The following BRSK2 variants were observed in gnomAD, a reference collection of about 807,000 sequenced individuals.
BRSK2 encodes the protein BR serine/threonine kinase 2.
Under a neutral mutation model 83.3 loss-of-function variants are expected in BRSK2, and 19 were observed. The ratio of observed to expected loss-of-function variants is 0.23; its 90% CI spans 0.16 to 0.33. The LOEUF (loss-of-function observed/expected upper bound fraction) is 0.33, where lower values mean the gene tolerates loss of function less well. BRSK2 is among the 10% of genes least tolerant of loss of function. BRSK2 has a pLI of 1.00. For synonymous variants in BRSK2, 519 were observed against 435.4 expected (o/e 1.19, Z -2.39); for missense variants, 798 against 1,042.3 (o/e 0.77, Z 3.23).
In BRSK2 at chr11:1,460,480, T is replaced by TTTTTTTTTTTCC; in HGVS notation, c.1988-20_1988-19insTTTTTTTTTTCC. 1.6e-6 allele frequency: 2 copies of TTTTTTTTTTTCC among 1,269,638 alleles called. No individual in the cohort carries two copies. The highest frequency in any genetic ancestry group is 1.0e-6 in the Non-Finnish European group (1 of 989,678). The allele number at this position is 1,269,638 out of a possible 1,614,324, so 78.6% of individuals were successfully genotyped here. A position where few individuals can be genotyped will look rare whatever the true frequency, so the allele number is the denominator to read the frequency against. ...TTTTTCCTTTTTTTTTTTTTTTTTG[T>TTTTTTTTTTTCC]CTCTGTTCTGTGTACCCAGGCAGCC... On this transcript the variant is annotated intron_variant, in intron 19 of 19. Transcript: ENST00000528841.
intron 1 of BRSK2, among the ~76,000 whole-genome samples, chr11:1,417,182 G>A (rs183924095): frequency 1.3e-5 from 2 of 152,144 alleles, no homozygotes; most frequent in East Asian, 1.9e-4. Context: ...AATAAAATGC[G>A]CCCTTTTCCC....
chr11:1,456,447 C>G lies in BRSK2; in HGVS notation c.1768C>G (p.Gln590Glu). The G allele has an allele frequency of 6.3e-7, 1 of 1,591,362 alleles. No homozygotes were observed. The highest frequency in any genetic ancestry group is 8.6e-7 in the Non-Finnish European group (1 of 1,169,524). The change falls in exon 17 of 20, where the codon CAG (glutamine) becomes GAG (glutamate). Residue 590 changes from glutamine to glutamate, a missense_variant. Gln to Glu is a conservative substitution (Grantham distance 29). Transcript: ENST00000528841. ...PAVFQKPVKFQVDITYTEGGE... is the reference protein window; with the variant it reads ...PAVFQKPVKFEVDITYTEGGE... ...CGTGTTCCAGAAGCCGGTCAAGTTC[C>G]AGGTTGATATCACCTACACGGAGGG...
chr11:1,420,007 G>C (rs1055601149), intron 1 of BRSK2, among the ~76,000 whole-genome samples: 2 of 152,186 alleles, frequency 1.3e-5, no homozygotes, highest in Non-Finnish European at 2.9e-5. Context: ...CCCACACCCG[G>C]GCACGTGGTC....
intron 1 of BRSK2, among the ~76,000 whole-genome samples, chr11:1,413,571 A>T (rs1281222799): frequency 6.6e-6 from 1 of 152,316 alleles, no homozygotes; most frequent in Admixed American, 6.5e-5. Context: ...CCCCAGTAGA[A>T]CTTCCCCAAG....
At chr11:1,443,723 C>T in intron 8 of BRSK2, 88 bp downstream of exon 8, 1 of 1,414,010 alleles carries the variant, frequency 7.1e-7, no homozygotes, top group Non-Finnish European at 9.3e-7. Flanking sequence ...GGTGTGTGCC[C>T]AGACGTGTGG....
chr11:1,421,623 G>A (rs1848637645), intron 1 of BRSK2, among the ~76,000 whole-genome samples: 2 of 152,212 alleles, frequency 1.3e-5, no homozygotes, highest in Non-Finnish European at 2.9e-5. Flanking sequence ...GGCGGTGGAG[G>A]CTGTGGGATC....
intron 1 of BRSK2, among the ~76,000 whole-genome samples, chr11:1,417,598 G>C (rs942803140): frequency 7.2e-6 from 1 of 138,818 alleles, no homozygotes; most frequent in Non-Finnish European, 1.5e-5. Context: ...TCTGTTGGCT[G>C]TTTCTTCTCT....
At chr11:1,443,304 C>T (rs1851608184) in intron 6 of BRSK2, 31 bp from the exon 7 acceptor site, 5 of 1,590,018 alleles carry the variant, frequency 3.1e-6, no homozygotes, top group South Asian at 1.1e-5. Flanking sequence ...TGCCCTGCGC[C>T]CCCCAACAGC....
chr11:1,410,991 A>G, intron 1 of BRSK2: 1 of 982,050 alleles, frequency 1.0e-6, no homozygotes, highest in African/African-American at 1.7e-5. Flanking sequence ...GGGGGGCAGG[A>G]GCAGGGGCGG....
intron 1 of BRSK2, among the ~76,000 whole-genome samples, chr11:1,435,169 A>T (rs1447531499): frequency 1.3e-5 from 2 of 149,618 alleles, no homozygotes; most frequent in African/African-American, 4.9e-5. Context: ...TCCTGGGGTG[A>T]ACACAGGGCC....
Position 1,390,883 on chromosome 11 carries a change from A to G in BRSK2, c.91+508A>G, listed in dbSNP as rs1193342683. On this transcript the variant is annotated intron_variant, in intron 1 of 19. Transcript: ENST00000528841. This position sits in a 1 kb window ranked among gnomAD's most constrained non-coding sequence, Gnocchi z 6.8. ...TCTCCCTCCGCGGTGGGGGCGGGAG[A>G]GTGCGGGGACCTGCAGAGGGCTGGA... Among the ~76,000 whole-genome samples the G allele has an allele frequency of 6.6e-6, 1 of 151,926 alleles. No homozygotes were observed. Among genetic ancestry groups the G allele is most frequent in the Non-Finnish European group, 1.5e-5 (1 of 67,936 alleles).
chr11:1,424,998 C>T (rs900835771), intron 1 of BRSK2, among the ~76,000 whole-genome samples: 4 of 152,212 alleles, frequency 2.6e-5, no homozygotes, highest in Non-Finnish European at 5.9e-5. Flanking sequence ...GTGGGATTGG[C>T]GCCCAGGCCC....
intron 1 of BRSK2, among the ~76,000 whole-genome samples, chr11:1,392,837 C>T (rs61867612): frequency 0.038 from 5,824 of 152,298 alleles, 151 homozygotes; most frequent in South Asian, 0.069. Flanking sequence ...GCCAGTGTGG[C>T]TGTAGGGTCG....
intron 12 of BRSK2, chr11:1,447,878 C>T (rs182704300): frequency 1.3e-6 from 2 of 1,589,296 alleles, no homozygotes; most frequent in Non-Finnish European, 8.5e-7. Context: ...ACACCCCGAC[C>T]ACCCGTCCCC....
intron 18 of BRSK2, among the ~76,000 whole-genome samples, chr11:1,458,532 A>AG (rs1846946069): frequency 6.6e-6 from 1 of 152,116 alleles, no homozygotes; most frequent in African/African-American, 2.4e-5. Context: ...GCTAGCCAGC[A>AG]GGGGGCCTCC....
chr11:1,403,318 G>C (rs573360923), intron 1 of BRSK2, among the ~76,000 whole-genome samples: 1 of 152,330 alleles, frequency 6.6e-6, no homozygotes, highest in Non-Finnish European at 1.5e-5. Flanking sequence ...ACGTGAGGCA[G>C]CCACCCCTCA....
At chr11:1,457,006 A>G (rs765575471) in intron 18 of BRSK2, 1 of 1,596,538 alleles carries the variant, frequency 6.3e-7, no homozygotes, top group Non-Finnish European at 8.5e-7. Context: ...CTTAAGGGCC[A>G]GAAGGTGGCC....
At chr11:1,424,328 C>T (rs374368232) in intron 1 of BRSK2, among the ~76,000 whole-genome samples, 31 of 152,288 alleles carry the variant, frequency 2.0e-4, no homozygotes, top group African/African-American at 6.3e-4. Flanking sequence ...TGGGGGGTGC[C>T]CCAGCACTGG....
intron 1 of BRSK2, among the ~76,000 whole-genome samples, chr11:1,416,692 C>T (rs899172167): frequency 2.0e-5 from 3 of 152,188 alleles, no homozygotes; most frequent in Non-Finnish European, 2.9e-5. Context: ...TGATGTGTGT[C>T]TCTGGCTGCT....
Sources: gnomAD v4.1 joint callset for allele counts (sites outside exome capture counted in the v4.1 genomes callset) on GRCh38, gnomAD v4.1.1 for gene constraint, Gnocchi (gnomAD v3.1) non-coding constraint, MANE v1.5 for transcripts, NCBI Gene and HGNC (gene_info 2026-07-23, HGNC 2026-07-21) for gene names.